Variants in MAF observed in about 807,000 individuals in gnomAD.
MAF encodes the protein MAF bZIP transcription factor.
Under a neutral mutation model 22.0 loss-of-function variants are expected in MAF, and 10 were observed. The observed-to-expected ratio is 0.45, with a 90% CI of 0.28 to 0.77. The LOEUF (loss-of-function observed/expected upper bound fraction) is 0.77, where lower values mean the gene tolerates loss of function less well. Ranked by LOEUF, MAF falls within the 30% of genes least tolerant of loss-of-function variation. MAF has a pLI of 0.12. For synonymous variants in MAF, 337 were observed against 255.8 expected (o/e 1.32, Z -3.03); for missense variants, 544 against 548.4 (o/e 0.99, Z 0.08).
the MAF span, among the ~76,000 whole-genome samples, chr16:79,358,627 G>A: frequency 3.9e-5 from 6 of 152,136 alleles, no homozygotes; most frequent in Non-Finnish European, 7.4e-5. Flanking sequence ...ACTTTTTTGC[G>A]AGGATGTAAA....
chr16:79,426,803 G>T, the MAF span, among the ~76,000 whole-genome samples: 2 of 152,238 alleles, frequency 1.3e-5, no homozygotes, highest in African/African-American at 4.8e-5. Flanking sequence ...CTCTGGGTCT[G>T]TTAGCAGGAA....
At chr16:79,414,678 A>G in the MAF span, among the ~76,000 whole-genome samples, 1 of 152,262 alleles carries the variant, frequency 6.6e-6, no homozygotes, top group African/African-American at 2.4e-5. Flanking sequence ...AAAGTCTCAA[A>G]GAGATGGTTT....
At chr16:79,573,073 T>C in the MAF span, among the ~76,000 whole-genome samples, 1 of 152,238 alleles carries the variant, frequency 6.6e-6, no homozygotes, top group Non-Finnish European at 1.5e-5. Flanking sequence ...GTGTATTTTT[T>C]TTCCCCAAAA....
At chr16:79,501,409 T>G in the MAF span, among the ~76,000 whole-genome samples, 4 of 152,190 alleles carry the variant, frequency 2.6e-5, no homozygotes, top group Non-Finnish European at 5.9e-5. Context: ...TCTGGGGTTC[T>G]GGGTGGACAT....
At chr16:79,387,832 T>C in the MAF span, among the ~76,000 whole-genome samples, 4 of 152,186 alleles carry the variant, frequency 2.6e-5, no homozygotes, top group African/African-American at 7.2e-5. Flanking sequence ...ACTAACTTCA[T>C]CACGTGAGGA....
At chr16:79,221,057 C>T in the MAF span, among the ~76,000 whole-genome samples, 4 of 152,238 alleles carry the variant, frequency 2.6e-5, no homozygotes, top group South Asian at 8.3e-4. Context: ...TTTGGGTCAG[C>T]TCGTTTTGCC....
chr16:79,484,161 T>C, the MAF span, among the ~76,000 whole-genome samples: 1 of 152,074 alleles, frequency 6.6e-6, no homozygotes, highest in Non-Finnish European at 1.5e-5. Flanking sequence ...TTGCACAGAG[T>C]TAAGGGACCT....
the MAF span, among the ~76,000 whole-genome samples, chr16:79,315,331 G>C: frequency 6.6e-6 from 1 of 152,148 alleles, no homozygotes. Flanking sequence ...GGATGGGGGA[G>C]AGTTGAAACT....
the MAF span, among the ~76,000 whole-genome samples, chr16:79,267,618 G>T: frequency 2.0e-5 from 3 of 152,286 alleles, no homozygotes; most frequent in East Asian, 5.8e-4. Flanking sequence ...GGGATGCACC[G>T]GGTAGTATGA....
At chr16:79,296,427 C>T in the MAF span, among the ~76,000 whole-genome samples, 4 of 151,976 alleles carry the variant, frequency 2.6e-5, no homozygotes, top group Admixed American at 6.6e-5. Context: ...GGGTGTAGTG[C>T]CTAGGTGATG....
At chr16:79,458,057 T>C in the MAF span, among the ~76,000 whole-genome samples, 2 of 151,400 alleles carry the variant, frequency 1.3e-5, no homozygotes, top group East Asian at 1.9e-4. Flanking sequence ...AAAATAAAAA[T>C]TGTCCATCAT....
the MAF span, among the ~76,000 whole-genome samples, chr16:79,268,608 A>G: frequency 1.3e-5 from 2 of 152,234 alleles, no homozygotes; most frequent in Non-Finnish European, 2.9e-5. Flanking sequence ...TTAAAAATTA[A>G]GGAAGAAACA....
the MAF span, among the ~76,000 whole-genome samples, chr16:79,408,333 C>T: frequency 2.0e-5 from 3 of 152,120 alleles, no homozygotes; most frequent in South Asian, 2.1e-4. Flanking sequence ...CCTGCCACCA[C>T]GCCCAGCTAA....
chr16:79,546,583 T>C, the MAF span, among the ~76,000 whole-genome samples: 8 of 152,294 alleles, frequency 5.3e-5, no homozygotes, highest in South Asian at 8.3e-4. Context: ...TTGGCTTACA[T>C]CAGGACAGAT....
the MAF span, among the ~76,000 whole-genome samples, chr16:79,479,727 G>A: frequency 6.6e-6 from 1 of 152,218 alleles, no homozygotes; most frequent in Admixed American, 6.5e-5. Flanking sequence ...GAGAAAGGAA[G>A]GAACCAGACT....
chr16:79,303,945 C>T, the MAF span, among the ~76,000 whole-genome samples: 4 of 152,164 alleles, frequency 2.6e-5, no homozygotes, highest in South Asian at 2.1e-4. Flanking sequence ...TGATGCACTT[C>T]GCTCAAAAGA....
the MAF span, among the ~76,000 whole-genome samples, chr16:79,361,401 T>C: frequency 6.6e-6 from 1 of 152,232 alleles, no homozygotes; most frequent in East Asian, 1.9e-4. Context: ...TTCTCAATAA[T>C]GTATCATTTC....
chr16:79,392,554 G>A, the MAF span, among the ~76,000 whole-genome samples: 1 of 152,022 alleles, frequency 6.6e-6, no homozygotes, highest in African/African-American at 2.4e-5. Flanking sequence ...GATGAACACG[G>A]GTGGAACCAG....
the MAF span, among the ~76,000 whole-genome samples, chr16:79,307,641 A>G: frequency 6.6e-6 from 1 of 152,232 alleles, no homozygotes; most frequent in Non-Finnish European, 1.5e-5. Context: ...ATGTTTAAAC[A>G]GAAAAAAATA....
Sources: gnomAD v4.1 joint callset for allele counts (sites outside exome capture counted in the v4.1 genomes callset) on GRCh38, gnomAD v4.1.1 for gene constraint, MANE v1.5 for transcripts, NCBI Gene and HGNC (gene_info 2026-07-23, HGNC 2026-07-21) for gene names.